EPHA6: variants seen among roughly 807,000 people sequenced by gnomAD.
The protein encoded by EPHA6 is ephrin type-A receptor 6.
EPHA6 carries 50 observed loss-of-function variants against 112.0 expected under a neutral mutation model. The observed-to-expected ratio is 0.45, with a 90% CI of 0.36 to 0.56. The LOEUF (loss-of-function observed/expected upper bound fraction) is 0.56. Among genes scored for constraint, EPHA6 ranks in the 20% least tolerant of loss-of-function variants. The pLI, the probability that EPHA6 is intolerant of heterozygous loss-of-function variation, is 0.00. For missense variants in EPHA6, 1,280 were observed against 1,417.4 expected (o/e 0.90, Z 1.56); for synonymous variants, 529 against 490.7 (o/e 1.08, Z -1.03).
chr3:96,825,860 T>G (rs1167736126), intron 1 of EPHA6, among the ~76,000 whole-genome samples: 1 of 151,802 alleles, frequency 6.6e-6, no homozygotes. Flanking sequence ...TTCCCATATA[T>G]GTGATATAGC....
chr3:96,889,573 C>T (rs1298258958), intron 2 of EPHA6, among the ~76,000 whole-genome samples: 1 of 152,100 alleles, frequency 6.6e-6, no homozygotes, highest in African/African-American at 2.4e-5. Context: ...ATGGGGGAAA[C>T]CACCTCAATG....
chr3:97,021,825 A>G (rs575343547), intron 3 of EPHA6, among the ~76,000 whole-genome samples: 2 of 152,296 alleles, frequency 1.3e-5, no homozygotes, highest in East Asian at 3.9e-4. Context: ...CATTTTGGGG[A>G]CACAATGTAG....
At position 97,021,209 on chromosome 3, in the gene EPHA6, T is replaced by C. The variant is rs534930816; in HGVS notation, c.1114+33216T>C. Among the ~76,000 whole-genome samples, 4 of 152,206 alleles carry C rather than the reference T, an allele frequency of 2.6e-5. No individual in the cohort carries two copies. The South Asian group carries it at 8.3e-4, about 31-fold the overall frequency. ...GACTGTATAGCCTAACAGTTCCACA[T>C]TTGTGCCCCAACTATTCATTTTCTA... is the stretch of plus-strand genomic sequence containing the variant. On this transcript the variant is annotated intron_variant, in intron 3 of 17. Coordinates refer to ENST00000389672, the MANE Select transcript of EPHA6 (RefSeq NM_001080448.3).
At chr3:97,042,243 G>C (rs145409958) in intron 3 of EPHA6, among the ~76,000 whole-genome samples, 3 of 151,932 alleles carry the variant, frequency 2.0e-5, no homozygotes, top group Non-Finnish European at 4.4e-5. Context: ...AGATCTGGTC[G>C]TTTAAAAGTA....
At chr3:97,159,219 G>T (rs141890953) in intron 3 of EPHA6, among the ~76,000 whole-genome samples, 1 of 152,186 alleles carries the variant, frequency 6.6e-6, no homozygotes, top group African/African-American at 2.4e-5. Context: ...TACCTTCATT[G>T]TGGAGTCGTG....
intron 3 of EPHA6, among the ~76,000 whole-genome samples, chr3:97,005,347 T>C (rs1007229433): frequency 1.3e-5 from 2 of 152,090 alleles, no homozygotes; most frequent in African/African-American, 4.8e-5. Flanking sequence ...TTGTTAGCTG[T>C]ATTCCTAGGT....
At chr3:96,956,824 G>A (rs574056608) in intron 2 of EPHA6, among the ~76,000 whole-genome samples, 18 of 152,082 alleles carry the variant, frequency 1.2e-4, no homozygotes, top group East Asian at 1.2e-3. Context: ...CACGAGGTCC[G>A]GAGTTCGAGA....
At chr3:96,972,327 GT>G (rs1307954687) in intron 2 of EPHA6, among the ~76,000 whole-genome samples, 1 of 151,750 alleles carries the variant, frequency 6.6e-6, no homozygotes, top group Non-Finnish European at 1.5e-5. Flanking sequence ...TGCCTTAATA[GT>G]TTTAGTATTA....
intron 15 of EPHA6, among the ~76,000 whole-genome samples, chr3:97,730,834 A>C (rs1173331807): frequency 6.6e-6 from 1 of 152,150 alleles, no homozygotes; most frequent in East Asian, 1.9e-4. Flanking sequence ...AACACGTGGA[A>C]CAAAGAAACA....
chr3:97,278,456 C>T (rs1246672328), intron 5 of EPHA6, among the ~76,000 whole-genome samples: 4 of 152,112 alleles, frequency 2.6e-5, no homozygotes, highest in Non-Finnish European at 2.9e-5. Context: ...CAGGCTTATA[C>T]ATTATAAGCC....
intron 14 of EPHA6, among the ~76,000 whole-genome samples, chr3:97,681,266 C>T (rs940813594): frequency 6.6e-6 from 1 of 152,102 alleles, no homozygotes; most frequent in Admixed American, 6.6e-5. Flanking sequence ...CACTTTCATA[C>T]ACTGTTGGTA....
At chr3:97,328,054 C>CACAT (rs372533674) in intron 5 of EPHA6, among the ~76,000 whole-genome samples, 86 of 120,864 alleles carry the variant, frequency 7.1e-4, no homozygotes, top group East Asian at 3.0e-3. Context: ...CATATATACA[C>CACAT]ATATATATAT....
chr3:97,384,991 G>T (rs2085976258), intron 5 of EPHA6, among the ~76,000 whole-genome samples: 1 of 152,132 alleles, frequency 6.6e-6, no homozygotes, highest in African/African-American at 2.4e-5. Flanking sequence ...TTACCAAGTT[G>T]TAGTATAAAT....
chr3:96,832,068 C>T (rs574234014), intron 1 of EPHA6, among the ~76,000 whole-genome samples: 18 of 152,026 alleles, frequency 1.2e-4, no homozygotes, highest in African/African-American at 4.3e-4. Context: ...CATGACTCGA[C>T]GCTATGTGGG....
At chr3:97,195,152 C>T (rs1374153081) in intron 3 of EPHA6, among the ~76,000 whole-genome samples, 1 of 151,640 alleles carries the variant, frequency 6.6e-6, no homozygotes, top group Non-Finnish European at 1.5e-5. Context: ...CTCTTTCTCC[C>T]TTTCCTTCTT....
intron 5 of EPHA6, among the ~76,000 whole-genome samples, chr3:97,281,647 A>C (rs1423651775): frequency 6.6e-6 from 1 of 152,140 alleles, no homozygotes; most frequent in Non-Finnish European, 1.5e-5. Context: ...TGTAATAATA[A>C]TATTTTCAAC....
chr3:97,020,217 A>T (rs1488887230), intron 3 of EPHA6, among the ~76,000 whole-genome samples: 1 of 152,220 alleles, frequency 6.6e-6, no homozygotes, highest in East Asian at 1.9e-4. Flanking sequence ...CACAGACTGA[A>T]GCAGTTTCCT....
chr3:97,333,962 G>A (rs1353779404), intron 5 of EPHA6, among the ~76,000 whole-genome samples: 1 of 152,054 alleles, frequency 6.6e-6, no homozygotes, highest in African/African-American at 2.4e-5. Context: ...CCTTTATCAA[G>A]TTAAGTTAAT....
At chr3:96,948,736 C>G (rs906709108) in intron 2 of EPHA6, among the ~76,000 whole-genome samples, 3 of 152,012 alleles carry the variant, frequency 2.0e-5, no homozygotes, top group Non-Finnish European at 4.4e-5. Flanking sequence ...AAAATCTGGT[C>G]GCAGTTCTAT....
Sources: gnomAD v4.1 joint callset for allele counts (sites outside exome capture counted in the v4.1 genomes callset) on GRCh38, gnomAD v4.1.1 for gene constraint, MANE v1.5 for transcripts, NCBI Gene and HGNC (gene_info 2026-07-23, HGNC 2026-07-21) for gene names.